The following SLC12A5 variants were observed in gnomAD, a reference collection of about 807,000 sequenced individuals.
The protein encoded by SLC12A5 is K-Cl cotransporter 2.
In SLC12A5, 18 loss-of-function variants were observed where a neutral mutation model predicts 124.0. That is an observed-to-expected ratio of 0.15 (90% CI 0.10 to 0.22). The LOEUF is 0.22. Among genes scored for constraint, SLC12A5 ranks in the 10% least tolerant of loss-of-function variants. SLC12A5 has a pLI of 1.00. For missense variants in SLC12A5, 867 were observed against 1,478.7 expected (o/e 0.59, Z 6.78); for synonymous variants, 589 against 568.0 (o/e 1.04, Z -0.53).
At chr20:46,035,691 G>A (rs1600591139) in intron 3 of SLC12A5, 86 bp from the exon 4 acceptor site, 1 of 1,533,450 alleles carries the variant, frequency 6.5e-7, no homozygotes, top group Non-Finnish European at 8.8e-7. Context: ...AGAGGAAGGT[G>A]GGGGCAGAGA....
At chr20:46,023,923 T>C (rs189337501), downstream of SLC12A5, among the ~76,000 whole-genome samples, 1,329 of 152,306 alleles carry the variant, frequency 8.7e-3, 14 homozygotes, top group Non-Finnish European at 0.012. Context: ...TGTGGGATCC[T>C]GCTTCTCTAC....
Position 46,040,503 on chromosome 20 carries a change from G to A in SLC12A5, c.743G>A (p.Gly248Asp). The change falls in exon 7 of 26, where the codon GGT becomes GAT. Residue 248 changes from glycine (G) to aspartate (D), a missense_variant. Transcript: ENST00000243964. ...LTCMATVVFV[G>D]VKYVNKFALV... ...TGCATGGCCACTGTGGTGTTTGTGG[G>A]TGTCAAGTATGTCAACAAGTTTGCC... 6.2e-7 allele frequency: 1 copy of A among 1,614,238 alleles called. No homozygotes were observed. Among genetic ancestry groups the A allele is most frequent in the Non-Finnish European group, 8.5e-7 (1 of 1,180,046 alleles).
rs1555868402 is a variant in SLC12A5 at position 46,057,528 on chromosome 20, G to A, written c.3274G>A (p.Glu1092Lys). 6.2e-7 allele frequency: 1 copy of A among 1,614,088 alleles called. No individual in the cohort carries two copies. The highest frequency in any genetic ancestry group is 8.5e-7 in the Non-Finnish European group (1 of 1,179,990). Residue 1092 changes from glutamate (E) to lysine (K), a missense_variant, in exon 26 of 26, where the codon GAG becomes AAG. By Grantham distance (56) the Glu-to-Lys change is moderately conservative. This residue lies in a region of SLC12A5 where 180 missense variants were observed against 243.6 expected (regional missense o/e 0.74). Transcript: ENST00000243964. The surrounding 1 kb of genome is among the most constrained non-coding windows in gnomAD (Gnocchi z 7.1). ...NGDENYMEFL[E>K]VLTEHLDRVM... ...CCGGCTCTCAGACATGGAGTTTCTC[G>A]AGGTCCTCACAGAGCACCTGGACCG... is the stretch of plus-strand genomic sequence containing the variant.
At chr20:46,022,224 C>G (rs1466883313) in intron 1 of SLC12A5, among the ~76,000 whole-genome samples, 3 of 145,246 alleles carry the variant, frequency 2.1e-5, no homozygotes, top group Non-Finnish European at 4.5e-5. Context: ...ACTAAAGGGG[C>G]GGGGACATCT....
intron 20 of SLC12A5, among the ~76,000 whole-genome samples, chr20:46,054,562 A>T (rs537144662): frequency 1.3e-5 from 2 of 152,248 alleles, no homozygotes; most frequent in East Asian, 3.9e-4. Context: ...TCACTCTCCC[A>T]TTCATTCTTG....
rs2084570999 is a variant in SLC12A5 at position 46,043,912 on chromosome 20, A to AG, written c.1378dup (p.Val460GlyfsTer174). The AG allele has an allele frequency of 6.2e-7, 1 of 1,603,134 alleles. No individual in the cohort carries two copies. Among genetic ancestry groups the AG allele is most frequent in the Non-Finnish European group, 8.5e-7 (1 of 1,174,780 alleles). The stretch of plus-strand genomic sequence containing the variant: ...GTTGTTCTGTTTGGGGCCTGCATTG[A>AG]GGGGGTCGTCCTGCGGGACAAGTAA... On this transcript the variant is annotated frameshift_variant, in exon 11 of 26. Coordinates refer to ENST00000243964, the MANE Select transcript of SLC12A5 (RefSeq NM_020708.5). LOFTEE classifies it high-confidence loss of function.
Position 46,059,550 on chromosome 20 carries a change from G to T in SLC12A5, c.*1945G>T. 2.5e-6 allele frequency: 1 copy of T among 399,072 alleles called. No individual in the cohort carries two copies. Among genetic ancestry groups the T allele is most frequent in the Non-Finnish European group, 4.4e-6 (1 of 226,064 alleles). 24.7% of individuals were successfully genotyped at this position (399,072 alleles called of 1,614,324 possible). ...GATGTGATGGGCTGTGCAGAAGGGGGCTGTATCAACATCAATTAGGGAACC... is the reference window on the plus strand; with the variant it reads ...GATGTGATGGGCTGTGCAGAAGGGGTCTGTATCAACATCAATTAGGGAACC... On this transcript the variant is annotated 3_prime_UTR_variant, in exon 26 of 26. Transcript: ENST00000243964.
chr20:46,043,623 T>C lies in SLC12A5; in HGVS notation c.1238-10T>C, dbSNP rs1455732285. On this transcript the variant is annotated splice_polypyrimidine_tract_variant and intron_variant, in intron 9 of 25. Transcript: ENST00000243964. ...CTGGCTTGAGTCCTAGCTGCACTTC[T>C]GTTTTGCAGGGATCATGGCTGGTTC... The C allele has an allele frequency of 8.7e-6, 14 of 1,613,986 alleles. No homozygotes were observed. The highest frequency in any genetic ancestry group is 1.1e-5 in the Non-Finnish European group (13 of 1,179,974).
Position 46,056,127 on chromosome 20 carries a change from C to A in SLC12A5, c.2788-23C>A, listed in dbSNP as rs1227897037. On this transcript the variant is annotated intron_variant, in intron 21 of 25. Transcript: ENST00000243964. This position sits in a 1 kb window ranked among gnomAD's most constrained non-coding sequence, Gnocchi z 4.3. ...GGGTGGTGACTCCCAGCAGAGCTGG[C>A]ACCAACCTATGTCACTCCCTAGATC... is the stretch of plus-strand genomic sequence containing the variant. 1 of 1,613,032 alleles carries A rather than the reference C, an allele frequency of 6.2e-7. No individual in the cohort carries two copies. Among genetic ancestry groups the A allele is most frequent in the Non-Finnish European group, 8.5e-7 (1 of 1,179,564 alleles).
In SLC12A5 at chr20:46,043,657, C is replaced by T; in HGVS notation, c.1262C>T (p.Ser421Phe). Residue 421 changes from serine (S) to phenylalanine (F), a missense_variant, in exon 10 of 26, where the codon TCT becomes TTT. Physicochemically the swap from Ser to Phe is radical, Grantham distance 155 (BLOSUM62 -2). This residue lies in a region of SLC12A5 where 152 missense variants were observed against 358.7 expected (regional missense o/e 0.42). Transcript: ENST00000243964. The stretch of plus-strand genomic sequence containing the variant: ...GGGATCATGGCTGGTTCTAACCGCT[C>T]TGGGGACCTGAGGGATGCCCAGAAG... ...VTGIMAGSNR[S>F]GDLRDAQKSI... The T allele has an allele frequency of 6.2e-7, 1 of 1,614,220 alleles. No homozygotes were observed. Among genetic ancestry groups the T allele is most frequent in the Non-Finnish European group, 8.5e-7 (1 of 1,180,044 alleles).
Position 46,040,390 on chromosome 20 carries a change from C to T in SLC12A5, c.630C>T (p.Ala210=), listed in dbSNP as rs913680770. The T allele has an allele frequency of 8.1e-5, 130 of 1,614,028 alleles. No homozygotes were observed. The highest frequency in any genetic ancestry group is 1.0e-4 in the Non-Finnish European group (118 of 1,180,060). ...IEILLAYLFP[A]MAIFKAEDAS... is the part of the protein sequence containing the mutation. ...TCCCACAGGCTTACCTCTTCCCAGC[C>T]ATGGCCATCTTCAAGGCAGAAGATG... The change falls in exon 7 of 26, where the codon GCC becomes GCT. Residue 210 remains alanine, a synonymous_variant. Transcript: ENST00000243964.
At position 46,058,940 on chromosome 20, in the gene SLC12A5, G is replaced by A; in HGVS notation, c.*1335G>A. On this transcript the variant is annotated 3_prime_UTR_variant, in exon 26 of 26. Coordinates refer to ENST00000243964, the MANE Select transcript of SLC12A5 (RefSeq NM_020708.5). The surrounding 1 kb of genome is among the most constrained non-coding windows in gnomAD (Gnocchi z 5.8). ...CTCCCGGGGACCTGGGCCTGAGGGA[G>A]GGCTGGAGTCGCACGCGCTTTGTCC... is the stretch of plus-strand genomic sequence containing the variant. 2 of 392,838 alleles carry A rather than the reference G, an allele frequency of 5.1e-6. No homozygotes were observed. The highest frequency in any genetic ancestry group is 9.0e-6 in the Non-Finnish European group (2 of 222,974). 24.3% of individuals were successfully genotyped at this position (392,838 alleles called of 1,614,324 possible).
rs976394267 is a variant in SLC12A5 at position 46,059,107 on chromosome 20, A to G, written c.*1502A>G. 4.9e-5 allele frequency: 11 copies of G among 224,812 alleles called. No homozygotes were observed. The highest frequency in any genetic ancestry group is 8.6e-5 in the Non-Finnish European group (10 of 116,616). The allele number at this position is 224,812 out of a possible 1,614,324, so 13.9% of individuals were successfully genotyped here. A position where few individuals can be genotyped will look rare whatever the true frequency, so the allele number is the denominator to read the frequency against. ...CGCGGTGGCCGGGTTCCCTTCCCCT[A>G]GGGCACATTACTAAGGGGGTCAGGC... On this transcript the variant is annotated 3_prime_UTR_variant, in exon 26 of 26. Transcript: ENST00000243964.
chr20:46,042,282 G>A (rs1218138582), intron 8 of SLC12A5, among the ~76,000 whole-genome samples: 4 of 152,272 alleles, frequency 2.6e-5, no homozygotes, highest in South Asian at 2.1e-4. Context: ...AGGGAGGGAC[G>A]TGGTCAGATC....
rs763632252 is a variant in SLC12A5, at chr20:46,035,849, C to T, written c.352C>T (p.Leu118=). Residue 118 remains leucine, a synonymous_variant, in exon 4 of 26, where the codon CTG becomes TTG. Coordinates refer to ENST00000243964, the MANE Select transcript of SLC12A5 (RefSeq NM_020708.5). ...LQNIFGVILF[L]RLTWVVGIAG... ...GAACATCTTTGGCGTCATCCTCTTCCTGCGGCTCACCTGGGTGGTGGGCAT... is the reference window on the plus strand; with the variant it reads ...GAACATCTTTGGCGTCATCCTCTTCTTGCGGCTCACCTGGGTGGTGGGCAT... 2 of 1,614,158 alleles carry T rather than the reference C, an allele frequency of 1.2e-6. No homozygotes were observed.
upstream of SLC12A5, chr20:46,029,029 A>G (rs1215823474): frequency 9.7e-6 from 8 of 827,472 alleles, no homozygotes; most frequent in Non-Finnish European, 1.1e-5. Flanking sequence ...CAAGGGGGCC[A>G]CTAGTCGGGC....
At position 46,037,504 on chromosome 20, in the gene SLC12A5, G is replaced by T. The variant is rs2145484846; in HGVS notation, c.612+119G>T. On this transcript the variant is annotated intron_variant, in intron 6 of 25. Coordinates refer to ENST00000243964, the MANE Select transcript of SLC12A5 (RefSeq NM_020708.5). ...GAGGCCAAAAATGTGGTTCAGTAAGGCCAAAGTCAGATGTGGTTCTGTTTC... is the reference window on the plus strand; with the variant it reads ...GAGGCCAAAAATGTGGTTCAGTAAGTCCAAAGTCAGATGTGGTTCTGTTTC... The T allele has an allele frequency of 3.5e-6, 4 of 1,141,786 alleles. No homozygotes were observed. The East Asian group carries it at 8.6e-5, about 25-fold the overall frequency. The allele number at this position is 1,141,786 out of a possible 1,614,324, so 70.7% of individuals were successfully genotyped here. A position where few individuals can be genotyped will look rare whatever the true frequency, so the allele number is the denominator to read the frequency against.
In SLC12A5 at chr20:46,059,890, T is replaced by C. The variant is rs1568871660; in HGVS notation, c.*2285T>C. On this transcript the variant is annotated 3_prime_UTR_variant, in exon 26 of 26. Coordinates refer to ENST00000243964, the MANE Select transcript of SLC12A5 (RefSeq NM_020708.5). ...TGAAAACCCTTGTAAATAGGAGAGG[T>C]TGCAAACCAAATCAAGAGTATTTAT... 1 of 369,290 alleles carries C rather than the reference T, an allele frequency of 2.7e-6. No individual in the cohort carries two copies. The highest frequency in any genetic ancestry group is 4.8e-6 in the Non-Finnish European group (1 of 207,772). The allele number at this position is 369,290 out of a possible 1,614,324, so 22.9% of individuals were successfully genotyped here.
chr20:46,051,370 T>C (rs1430924337), intron 17 of SLC12A5, among the ~76,000 whole-genome samples: 2 of 152,094 alleles, frequency 1.3e-5, no homozygotes, highest in Non-Finnish European at 2.9e-5. Context: ...ATGTACAACT[T>C]GGCAGGGGCT....
Sources: allele counts gnomAD v4.1 joint callset (sites outside exome capture counted in the v4.1 genomes callset), GRCh38; gene constraint gnomAD v4.1.1; regional missense constraint gnomAD v4.1.1; non-coding constraint Gnocchi (gnomAD v3.1); transcripts MANE v1.5; gene names NCBI Gene and HGNC (gene_info 2026-07-23, HGNC 2026-07-21).